Variants in SPECC1L observed in about 807,000 individuals in gnomAD.
SPECC1L encodes sperm antigen with calponin homology and coiled-coil domains 1 like.
Under a neutral mutation model 116.8 loss-of-function variants are expected in SPECC1L, and 40 were observed. That is an observed-to-expected ratio of 0.34 (90% confidence interval 0.27 to 0.45). The LOEUF (loss-of-function observed/expected upper bound fraction) is 0.45, where lower values mean the gene tolerates loss of function less well. Among genes scored for constraint, SPECC1L ranks in the 20% least tolerant of loss-of-function variants. SPECC1L has a pLI of 1.00. For synonymous variants in SPECC1L, 504 were observed against 500.6 expected (o/e 1.01, Z -0.09); for missense variants, 1,110 against 1,373.6 (o/e 0.81, Z 3.03).
chr22:24,301,277 A>G (rs2146401266), intron 2 of SPECC1L, among the ~76,000 whole-genome samples: 1 of 152,292 alleles, frequency 6.6e-6, no homozygotes. Flanking sequence ...CAAGAAGAAA[A>G]CAACCCCATC....
chr22:24,392,942 C>G (rs2042299571), intron 14 of SPECC1L, among the ~76,000 whole-genome samples: 1 of 152,194 alleles, frequency 6.6e-6, no homozygotes, highest in South Asian at 2.1e-4. Flanking sequence ...TGTAGCCTCT[C>G]CAATATTTGG....
At chr22:24,382,091 C>G (rs1045313128) in intron 14 of SPECC1L, among the ~76,000 whole-genome samples, 8 of 152,118 alleles carry the variant, frequency 5.3e-5, no homozygotes, top group African/African-American at 1.7e-4. Flanking sequence ...CAGACCAAAT[C>G]TCTGACGAGA....
At chr22:24,338,543 A>G (rs2041108819) in intron 10 of SPECC1L, 66 bp downstream of exon 10, 1 of 1,364,418 alleles carries the variant, frequency 7.3e-7, no homozygotes. Flanking sequence ...CCTTTTCTTC[A>G]CAGTCATTTA....
At chr22:24,274,429 G>A (rs1484688224) in intron 1 of SPECC1L, among the ~76,000 whole-genome samples, 1 of 152,264 alleles carries the variant, frequency 6.6e-6, no homozygotes, top group Admixed American at 6.5e-5. Context: ...TGTATCAAAA[G>A]GCACGTTTTT....
chr22:24,317,702 A>C (rs1182533776), intron 4 of SPECC1L, among the ~76,000 whole-genome samples: 1 of 151,800 alleles, frequency 6.6e-6, no homozygotes, highest in Non-Finnish European at 1.5e-5. Flanking sequence ...GCTGCCCGGC[A>C]GAGATGCTCC....
At chr22:24,360,122 G>A (rs190923140) in intron 11 of SPECC1L, among the ~76,000 whole-genome samples, 1 of 152,328 alleles carries the variant, frequency 6.6e-6, no homozygotes, top group African/African-American at 2.4e-5. Context: ...CATGGCAATA[G>A]AATAGAATCT....
intron 3 of SPECC1L, among the ~76,000 whole-genome samples, chr22:24,312,191 T>C (rs1359997158): frequency 1.3e-5 from 2 of 152,188 alleles, no homozygotes; most frequent in Non-Finnish European, 2.9e-5. Context: ...CAGGCTGGTG[T>C]TGAACTCCTG....
intron 1 of SPECC1L, among the ~76,000 whole-genome samples, chr22:24,276,073 C>A (rs966858995): frequency 6.6e-6 from 1 of 151,806 alleles, no homozygotes; most frequent in African/African-American, 2.4e-5. Context: ...TTGGTCAAGC[C>A]TAGGAAAGAA....
chr22:24,381,196 C>A (rs1394912988), intron 14 of SPECC1L, among the ~76,000 whole-genome samples: 4 of 152,114 alleles, frequency 2.6e-5, no homozygotes, highest in African/African-American at 9.7e-5. Flanking sequence ...CCCTGGAAAA[C>A]CCTAACTGAA....
intron 12 of SPECC1L, 22 bp from the exon 13 acceptor site, chr22:24,365,454 G>T (rs750863084): frequency 6.8e-6 from 11 of 1,612,676 alleles, no homozygotes; most frequent in Non-Finnish European, 8.5e-6. Flanking sequence ...GCTATAGAGT[G>T]CATAATGACT....
Position 24,365,590 on chromosome 22 carries a change from C to T in SPECC1L, c.2942C>T (p.Ser981Phe). Reference sequence around the variant, plus strand: ...TCTCCACAGCTTTCCCTGTCCTCTTCTCCAACGGCATCTGTGACTCCCACC... The same window carrying T: ...TCTCCACAGCTTTCCCTGTCCTCTTTTCCAACGGCATCTGTGACTCCCACC... ...TTSPQLSLSS[S>F]PTASVTPTTR... The change falls in exon 13 of 17, where the codon TCT becomes TTT. Residue 981 changes from serine (S) to phenylalanine (F), a missense_variant. Ser to Phe is a radical substitution (Grantham distance 155, BLOSUM62 -2). Coordinates refer to ENST00000314328, the MANE Select transcript of SPECC1L (RefSeq NM_015330.6). The T allele has an allele frequency of 6.2e-7, 1 of 1,614,158 alleles. No homozygotes were observed. Among genetic ancestry groups the T allele is most frequent in the East Asian group, 2.2e-5 (1 of 44,868 alleles).
chr22:24,371,681 C>T (rs984615204), intron 14 of SPECC1L, among the ~76,000 whole-genome samples: 3 of 152,110 alleles, frequency 2.0e-5, no homozygotes, highest in South Asian at 2.1e-4. Flanking sequence ...TGGGAGGCAG[C>T]GAAAGCAGTT....
At chr22:24,305,085 G>A (rs117454176) in intron 3 of SPECC1L, among the ~76,000 whole-genome samples, 1 of 152,202 alleles carries the variant, frequency 6.6e-6, no homozygotes, top group Admixed American at 6.5e-5. Flanking sequence ...AAAAGAAATA[G>A]GGAAAAATAG....
intron 14 of SPECC1L, among the ~76,000 whole-genome samples, chr22:24,372,383 A>G (rs1057082212): frequency 3.3e-5 from 5 of 152,244 alleles, no homozygotes; most frequent in Non-Finnish European, 7.3e-5. Flanking sequence ...AAAATCCTCA[A>G]TAAAATACTG....
chr22:24,274,509 G>A (rs905481738), intron 1 of SPECC1L, among the ~76,000 whole-genome samples: 5 of 152,130 alleles, frequency 3.3e-5, no homozygotes, highest in Non-Finnish European at 7.4e-5. Context: ...ACATTCTGAA[G>A]ACTGACTGAC....
chr22:24,362,860 G>T (rs2041672354), intron 11 of SPECC1L, among the ~76,000 whole-genome samples: 1 of 152,118 alleles, frequency 6.6e-6, no homozygotes. Context: ...ACTTGTCTGT[G>T]GTTGTATATA....
intron 14 of SPECC1L, among the ~76,000 whole-genome samples, chr22:24,404,778 C>T (rs1014520781): frequency 2.6e-5 from 4 of 152,168 alleles, no homozygotes; most frequent in African/African-American, 7.2e-5. Flanking sequence ...GCAAGATGCC[C>T]GCCCACCCAT....
chr22:24,287,516 A>C (rs938766286), intron 2 of SPECC1L, among the ~76,000 whole-genome samples: 7 of 152,194 alleles, frequency 4.6e-5, no homozygotes, highest in African/African-American at 1.7e-4. Context: ...CCGCGAGGTC[A>C]GGAACTTCTT....
At chr22:24,300,443 G>A (rs79741803) in intron 2 of SPECC1L, among the ~76,000 whole-genome samples, 1 of 152,134 alleles carries the variant, frequency 6.6e-6, no homozygotes, top group Non-Finnish European at 1.5e-5. Context: ...TAAACATACC[G>A]TGTGCTTGTA....
Sources: allele counts gnomAD v4.1 joint callset (sites outside exome capture counted in the v4.1 genomes callset), GRCh38; gene constraint gnomAD v4.1.1; transcripts MANE v1.5; gene names NCBI Gene and HGNC (gene_info 2026-07-23, HGNC 2026-07-21).